The following SUN1 variants were observed in gnomAD, a reference collection of about 807,000 sequenced individuals.
SUN1 encodes the protein Sad1 and UNC84 domain containing 1, also known as SUN domain-containing protein 1.
SUN1 carries 61 observed loss-of-function variants against 103.2 expected under a neutral mutation model. That is an observed-to-expected ratio of 0.59 (90% confidence interval 0.48 to 0.73). The LOEUF is 0.73. Among genes scored for constraint, SUN1 ranks in the 30% least tolerant of loss-of-function variants. SUN1 has a pLI of 0.00. For synonymous variants in SUN1, 490 were observed against 425.7 expected, an observed-to-expected ratio of 1.15 and a Z score of -1.86; for missense variants, 1,052 against 1,034.6, an observed-to-expected ratio of 1.02 and a Z score of -0.23.
chr7:841,346 C>G (rs111957895), intron 2 of SUN1, among the ~76,000 whole-genome samples: 23,086 of 150,520 alleles, frequency 0.15, 1,889 homozygotes, highest in South Asian at 0.24. Context: ...CAGGTTCACT[C>G]CATTCTCCTG....
At chr7:841,879 G>A in intron 2 of SUN1, 67 bp from the exon 3 acceptor site, 2 of 1,531,236 alleles carry the variant, frequency 1.3e-6, no homozygotes, top group Non-Finnish European at 1.8e-6. Context: ...GTTTGTGTTG[G>A]TCAAATGTAA....
intron 1 of SUN1, chr7:817,040 A>T: frequency 6.2e-6 from 1 of 161,278 alleles, no homozygotes; most frequent in Non-Finnish European, 1.4e-5. Context: ...CCGCGTTCTC[A>T]GGCCTCGGCC....
chr7:830,395 C>T (rs1796839873), upstream of SUN1, among the ~76,000 whole-genome samples: 1 of 152,222 alleles, frequency 6.6e-6, no homozygotes, highest in Non-Finnish European at 1.5e-5. Flanking sequence ...GCGGGGACTG[C>T]ATCAGGGTGG....
At chr7:829,243 G>A (rs925506825), upstream of SUN1, among the ~76,000 whole-genome samples, 4 of 152,242 alleles carry the variant, frequency 2.6e-5, no homozygotes, top group South Asian at 4.1e-4. Flanking sequence ...ACAGGTGACC[G>A]AGGCAGCCTC....
At chr7:837,988 C>CT (rs1805137299) in intron 1 of SUN1, among the ~76,000 whole-genome samples, 2 of 152,396 alleles carry the variant, frequency 1.3e-5, no homozygotes, top group South Asian at 2.1e-4. Context: ...ACCTCAGCCT[C>CT]TAAGTTAAAG....
At chr7:840,854 G>T (rs1808981573) in intron 2 of SUN1, among the ~76,000 whole-genome samples, 1 of 151,578 alleles carries the variant, frequency 6.6e-6, no homozygotes, top group African/African-American at 2.4e-5. Flanking sequence ...TGTTAGCCAG[G>T]ATGGTCCCGA....
rs552827257 is a variant in SUN1, at chr7:858,983, G to A, written c.1524+1026G>A. On this transcript the variant is annotated intron_variant, in intron 13 of 18. Transcript: ENST00000401592. ...AGCCTGGCCAACATGGTGAAACCGC[G>A]TCTCTACTAAAAATACAAAATTAGC... Among the ~76,000 whole-genome samples, 569 of 152,086 alleles carry A rather than the reference G, an allele frequency of 3.7e-3. 3 individuals carry two copies. The highest frequency in any genetic ancestry group is 0.012 in the African/African-American group (509 of 41,522).
intron 1 of SUN1, among the ~76,000 whole-genome samples, chr7:825,098 A>T (rs528203185): frequency 8.3e-4 from 126 of 151,738 alleles, no homozygotes; most frequent in African/African-American, 2.9e-3. Context: ...TTGCTCGGTC[A>T]CCCAGGCTGG....
In SUN1 at chr7:868,411, T is replaced by G. The variant is rs1032758381; in HGVS notation, c.1981-938T>G. Reference sequence around the variant, plus strand: ...CCTTGCCAGGCTGTGCTTCTGGGGCTGCAGGCTGCACCGTGGCCGGGTTAG... The same window carrying G: ...CCTTGCCAGGCTGTGCTTCTGGGGCGGCAGGCTGCACCGTGGCCGGGTTAG... On this transcript the variant is annotated intron_variant, in intron 16 of 18. Transcript: ENST00000401592. 5 of 273,844 alleles carry G rather than the reference T, an allele frequency of 1.8e-5. No homozygotes were observed. In the Admixed American group the frequency reaches 2.6e-4, roughly 14 times the overall value. 17.0% of individuals were successfully genotyped at this position (273,844 alleles called of 1,614,324 possible). A position where few individuals can be genotyped will look rare whatever the true frequency, so the allele number is the denominator to read the frequency against.
Position 872,657 on chromosome 7 carries a change from G to C in SUN1, c.2241+95G>C, listed in dbSNP as rs971198237. The C allele has an allele frequency of 5.3e-6, 5 of 942,996 alleles. No homozygotes were observed. In the Admixed American group the frequency reaches 6.8e-5, roughly 13 times the overall value. The allele number at this position is 942,996 out of a possible 1,614,324, so 58.4% of individuals were successfully genotyped here. A position where few individuals can be genotyped will look rare whatever the true frequency, so the allele number is the denominator to read the frequency against. ...TGGCATCAACAGACTGGAAAGCAGC[G>C]TGAGGACCATCCTTTGAAAAATGTT... On this transcript the variant is annotated intron_variant, in intron 18 of 18. Coordinates refer to ENST00000401592, the MANE Select transcript of SUN1 (RefSeq NM_001130965.3).
chr7:816,657 G>A (rs1246063574), exon 1 of SUN1: 3 of 273,538 alleles, frequency 1.1e-5, no homozygotes, highest in Non-Finnish European at 2.2e-5. Flanking sequence ...GAGGCCTGAG[G>A]CGGCGGCGCG....
At chr7:830,758 C>G (rs909854583), upstream of SUN1, among the ~76,000 whole-genome samples, 2 of 152,178 alleles carry the variant, frequency 1.3e-5, no homozygotes, top group Non-Finnish European at 2.9e-5. Flanking sequence ...CCCAGTGTCC[C>G]CCAGGGTGGG....
At chr7:838,726 A>G in intron 1 of SUN1, 72 bp from the exon 2 acceptor site, 4 of 1,391,156 alleles carry the variant, frequency 2.9e-6, no homozygotes, top group Non-Finnish European at 3.8e-6. Context: ...CTTTCAGTTT[A>G]TGGTTTGTTC....
At chr7:840,801 C>G (rs1431224617) in intron 2 of SUN1, among the ~76,000 whole-genome samples, 1 of 151,790 alleles carries the variant, frequency 6.6e-6, no homozygotes, top group Non-Finnish European at 1.5e-5. Context: ...GCCACCATGC[C>G]TGGCTAATTT....
chr7:843,242 T>G lies in SUN1; in HGVS notation c.478+10T>G. 6.2e-7 allele frequency: 1 copy of G among 1,609,876 alleles called. No homozygotes were observed. The highest frequency in any genetic ancestry group is 8.5e-7 in the Non-Finnish European group (1 of 1,179,578). On this transcript the variant is annotated intron_variant, in intron 4 of 18. Transcript: ENST00000401592. ...GATGGTGATCTTAAAGGTAATTATT[T>G]TAGTCCTTTTATCTTCATATACTTT...
At chr7:837,627 CT>C (rs1349941210) in intron 1 of SUN1, among the ~76,000 whole-genome samples, 2 of 152,158 alleles carry the variant, frequency 1.3e-5, no homozygotes, top group Non-Finnish European at 2.9e-5. Flanking sequence ...GACTGGAGAC[CT>C]CCGTTTGAAA....
At chr7:852,978 C>G (rs779302332) in intron 9 of SUN1, 26 bp downstream of exon 9, 2 of 1,600,586 alleles carry the variant, frequency 1.2e-6, no homozygotes, top group Non-Finnish European at 1.7e-6. Flanking sequence ...GGCCTCTCAG[C>G]TGGCACTGCA....
rs559748300 is a variant in SUN1, at chr7:852,153, T to A, written c.851+110T>A. ...TGTAAGGATTTAGCTTATATTTACA[T>A]AGTGTTTGTATATTTTACAAAAGTG... On this transcript the variant is annotated intron_variant, in intron 7 of 18. Coordinates refer to ENST00000401592, the MANE Select transcript of SUN1 (RefSeq NM_001130965.3). 55 of 993,542 alleles carry A rather than the reference T, an allele frequency of 5.5e-5. No homozygotes were observed. In the South Asian group the frequency reaches 8.2e-4, roughly 15 times the overall value. 61.5% of individuals were successfully genotyped at this position (993,542 alleles called of 1,614,324 possible).
intron 1 of SUN1, among the ~76,000 whole-genome samples, chr7:825,356 T>C (rs1052746497): frequency 5.3e-5 from 8 of 152,216 alleles, no homozygotes; most frequent in Non-Finnish European, 8.8e-5. Flanking sequence ...GCCACCGCAC[T>C]TGGCCTATTA....
Sources: gnomAD v4.1 joint callset for allele counts (sites outside exome capture counted in the v4.1 genomes callset) on GRCh38, gnomAD v4.1.1 for gene constraint, MANE v1.5 for transcripts, NCBI Gene and HGNC (gene_info 2026-07-23, HGNC 2026-07-21) for gene names.